The following ANLN variants were observed in gnomAD, a reference collection of about 807,000 sequenced individuals.
ANLN encodes anillin.
In ANLN, 59 loss-of-function variants were observed where a neutral mutation model predicts 135.1. The ratio of observed to expected loss-of-function variants is 0.44; its 90% confidence interval spans 0.35 to 0.54. The LOEUF (loss-of-function observed/expected upper bound fraction) is 0.54, where lower values mean the gene tolerates loss of function less well. ANLN is among the 20% of genes least tolerant of loss of function. ANLN has a pLI of 0.00. For missense variants in ANLN, 1,182 were observed against 1,340.0 expected, an observed-to-expected ratio of 0.88 and a Z score of 1.84; for synonymous variants, 406 against 456.4, an observed-to-expected ratio of 0.89 and a Z score of 1.41.
Position 36,430,487 on chromosome 7 carries a change from A to G in ANLN, c.2883+3459A>G, listed in dbSNP as rs567473239. ...ACCCTTTCTTTGAATAGGGAATCCA[A>G]AACAGTCATAGTTTTATTATACTAT... On this transcript the variant is annotated intron_variant, in intron 20 of 23. Transcript: ENST00000265748. Among the ~76,000 whole-genome samples, 3 of 152,350 alleles carry G rather than the reference A, an allele frequency of 2.0e-5. No homozygotes were observed. The East Asian group carries it at 5.8e-4, about 29-fold the overall frequency.
At chr7:36,419,863 C>T (rs1787801413) in intron 10 of ANLN, among the ~76,000 whole-genome samples, 1 of 152,158 alleles carries the variant, frequency 6.6e-6, no homozygotes, top group Non-Finnish European at 1.5e-5. Context: ...TAGTTAGCTC[C>T]AAACACATGT....
chr7:36,407,777 C>G lies in ANLN; in HGVS notation c.917C>G (p.Ala306Gly). The G allele has an allele frequency of 1.9e-6, 3 of 1,613,674 alleles. No individual in the cohort carries two copies. The highest frequency in any genetic ancestry group is 1.7e-4 in the Middle Eastern group (1 of 6,060). ...AAATCTACTACATCTATCACTGATG[C>G]TAAAAGTTGTGAGGGACAAAATCCT... The part of the protein sequence containing the change: ...PVKSTTSITD[A>G]KSCEGQNPEL... Residue 306 changes from alanine (A) to glycine (G), a missense_variant, in exon 5 of 24, where the codon GCT (alanine) becomes GGT (glycine). Around this residue, in one of 3 missense-constraint regions of ANLN, gnomAD observed 1,022 missense variants for 1,134.0 expected, o/e 0.90. Coordinates refer to ENST00000265748, the MANE Select transcript of ANLN (RefSeq NM_018685.5).
intron 1 of ANLN, among the ~76,000 whole-genome samples, chr7:36,392,222 A>G (rs1786507053): frequency 6.6e-6 from 1 of 152,238 alleles, no homozygotes; most frequent in South Asian, 2.1e-4. Flanking sequence ...ATAAATAAGT[A>G]TGCAAATAAA....
intron 15 of ANLN, among the ~76,000 whole-genome samples, 178 bp from the exon 16 acceptor site, chr7:36,424,367 G>A (rs1646758968): frequency 6.6e-6 from 1 of 152,048 alleles, no homozygotes; most frequent in Non-Finnish European, 1.5e-5. Flanking sequence ...AAAACACGGA[G>A]GAAAATATTT....
At chr7:36,448,407 GT>G (rs1360561152) in intron 22 of ANLN, among the ~76,000 whole-genome samples, 1 of 152,126 alleles carries the variant, frequency 6.6e-6, no homozygotes, top group Non-Finnish European at 1.5e-5. Flanking sequence ...TCGTTTTCAG[GT>G]TTCATTTATC....
At chr7:36,393,694 C>T (rs1786575119) in intron 1 of ANLN, among the ~76,000 whole-genome samples, 1 of 152,188 alleles carries the variant, frequency 6.6e-6, no homozygotes. Context: ...AGAATCAGTT[C>T]ATGGTTGGTG....
chr7:36,403,314 G>A (rs1013923913), intron 3 of ANLN, among the ~76,000 whole-genome samples: 2 of 152,108 alleles, frequency 1.3e-5, no homozygotes, highest in African/African-American at 4.8e-5. Context: ...TTCCTAAGAT[G>A]AGGAGGAATA....
At chr7:36,403,250 G>C (rs1443734634) in intron 3 of ANLN, among the ~76,000 whole-genome samples, 3 of 152,144 alleles carry the variant, frequency 2.0e-5, no homozygotes, top group African/African-American at 2.4e-5. Context: ...GGAGGGAGAA[G>C]GGAGGAAGAG....
intron 22 of ANLN, 47 bp downstream of exon 22, chr7:36,443,909 C>G: frequency 7.5e-7 from 1 of 1,337,476 alleles, no homozygotes. Context: ...GATTGACTTT[C>G]GTGTAGTGTT....
intron 5 of ANLN, among the ~76,000 whole-genome samples, chr7:36,409,037 G>A (rs1170957074): frequency 6.6e-6 from 1 of 152,188 alleles, no homozygotes; most frequent in African/African-American, 2.4e-5. Flanking sequence ...GAGTGGGGAA[G>A]CGGTTATGGG....
chr7:36,410,799 A>G (rs980731197), intron 6 of ANLN, 95 bp downstream of exon 6: 4 of 1,278,904 alleles, frequency 3.1e-6, no homozygotes, highest in Admixed American at 4.6e-5. Flanking sequence ...TTTGACTGAG[A>G]TAAGTAGCAT....
At chr7:36,394,609 G>A (rs1786619667) in intron 1 of ANLN, among the ~76,000 whole-genome samples, 1 of 147,518 alleles carries the variant, frequency 6.8e-6, no homozygotes, top group Admixed American at 6.7e-5. Flanking sequence ...TTTTTTCAAT[G>A]AACTTTAAAT....
At chr7:36,394,154 G>A (rs749618764) in intron 1 of ANLN, among the ~76,000 whole-genome samples, 26 of 152,174 alleles carry the variant, frequency 1.7e-4, no homozygotes, top group Non-Finnish European at 2.9e-4. Context: ...TGCAGAGACA[G>A]GATCTTGCTT....
At position 36,407,953 on chromosome 7, in the gene ANLN, C is replaced by T. The variant is rs1267654550; in HGVS notation, c.1093C>T (p.Pro365Ser). Residue 365 changes from proline (P) to serine (S), a missense_variant, in exon 5 of 24, where the codon CCA becomes TCA. Physicochemically the swap from Pro to Ser is moderately conservative, Grantham distance 74. This residue lies in a region of ANLN where 1,022 missense variants were observed against 1,134.0 expected (regional missense o/e 0.90). Coordinates refer to ENST00000265748, the MANE Select transcript of ANLN (RefSeq NM_018685.5). Reference protein sequence around the residue: ...QSQSKDKSTTPGGTGIKPFLE... With the variant: ...QSQSKDKSTTSGGTGIKPFLE... ...TCAATCTAAAGACAAATCTACGACA[C>T]CAGGTTACGTATTTATAAAAAATTT... 1 of 1,609,804 alleles carries T rather than the reference C, an allele frequency of 6.2e-7. No individual in the cohort carries two copies. Among genetic ancestry groups the T allele is most frequent in the Non-Finnish European group, 8.5e-7 (1 of 1,177,196 alleles).
chr7:36,400,539 C>G (rs897740914), intron 3 of ANLN, among the ~76,000 whole-genome samples: 1 of 151,774 alleles, frequency 6.6e-6, no homozygotes, highest in Non-Finnish European at 1.5e-5. Context: ...TTTTTTGTAT[C>G]TTTTGGTAGA....
intron 21 of ANLN, among the ~76,000 whole-genome samples, chr7:36,441,416 C>G (rs920588245): frequency 3.3e-5 from 5 of 152,204 alleles, no homozygotes; most frequent in African/African-American, 1.2e-4. Flanking sequence ...TTTTAATTGC[C>G]TCTACCCCCT....
rs143700717 is a variant in ANLN at position 36,403,005 on chromosome 7, T to C, written c.488-3176T>C. On this transcript the variant is annotated intron_variant, in intron 3 of 23. Coordinates refer to ENST00000265748, the MANE Select transcript of ANLN (RefSeq NM_018685.5). ...TGTGGTGCATGCCTGTAATCCCAGC[T>C]ACTTGGGAGGCTGAGGCAGGAGAAT... Among the ~76,000 whole-genome samples the C allele has an allele frequency of 2.7e-3, 408 of 152,256 alleles. 6 individuals are homozygous for C. The East Asian group carries it at 0.028, about 10-fold the overall frequency.
In ANLN at chr7:36,425,997, C is replaced by A; in HGVS notation, c.2749-18C>A. The A allele has an allele frequency of 7.4e-7, 1 of 1,349,826 alleles. No homozygotes were observed. Among genetic ancestry groups the A allele is most frequent in the Non-Finnish European group, 9.9e-7 (1 of 1,005,948 alleles). The allele number at this position is 1,349,826 out of a possible 1,614,324, so 83.6% of individuals were successfully genotyped here. A position where few individuals can be genotyped will look rare whatever the true frequency, so the allele number is the denominator to read the frequency against. On this transcript the variant is annotated intron_variant, in intron 18 of 23. Coordinates refer to ENST00000265748, the MANE Select transcript of ANLN (RefSeq NM_018685.5). The stretch of plus-strand genomic sequence containing the variant: ...AATAACTTATGTTTCTTCTTCACAC[C>A]TTTTTTTTTTTTTTTAGAAAAGCAA...
Position 36,443,746 on chromosome 7 carries a change from CT to C in ANLN, c.2971-5del. ...TTTCTAAAGCCAGCATTTCAACTGA[CT>C]TTTCCAGACCATATTTGAAGATGTT... On this transcript the variant is annotated splice_region_variant and splice_polypyrimidine_tract_variant and intron_variant, in intron 21 of 23. Coordinates refer to ENST00000265748, the MANE Select transcript of ANLN (RefSeq NM_018685.5). The C allele has an allele frequency of 6.2e-7, 1 of 1,600,706 alleles. No individual in the cohort carries two copies. The highest frequency in any genetic ancestry group is 1.1e-5 in the South Asian group (1 of 89,206).
Sources: allele counts gnomAD v4.1 joint callset (sites outside exome capture counted in the v4.1 genomes callset), GRCh38; gene constraint gnomAD v4.1.1; regional missense constraint gnomAD v4.1.1; transcripts MANE v1.5; gene names NCBI Gene and HGNC (gene_info 2026-07-23, HGNC 2026-07-21).